L3MBTL2: variants seen among roughly 807,000 people sequenced by gnomAD.
L3MBTL2 encodes the protein L3MBTL histone methyl-lysine binding protein 2.
In L3MBTL2, 49 loss-of-function variants were observed where a neutral mutation model predicts 86.4. That is an observed-to-expected ratio of 0.57 (90% confidence interval 0.45 to 0.72). The LOEUF (loss-of-function observed/expected upper bound fraction) is 0.72. Among genes scored for constraint, L3MBTL2 ranks in the 30% least tolerant of loss-of-function variants. L3MBTL2 has a pLI of 0.00. For missense variants in L3MBTL2, 755 were observed against 923.7 expected (o/e 0.82, Z 2.37); for synonymous variants, 336 against 350.6 (o/e 0.96, Z 0.47).
chr22:41,205,385 A>C lies in L3MBTL2; in HGVS notation c.23A>C (p.Glu8Ala). 6.2e-7 allele frequency: 1 copy of C among 1,614,114 alleles called. No individual in the cohort carries two copies. Residue 8 changes from glutamate (E) to alanine (A), a missense_variant and splice_region_variant, in exon 1 of 17, where the codon GAG becomes GCG. By Grantham distance (107) the Glu-to-Ala change is moderately radical. This residue lies in a region of L3MBTL2 where 103 missense variants were observed against 105.2 expected (regional missense o/e 0.98). Transcript: ENST00000216237. MEKPRSIEETPSSEPMEE... is the reference protein window; with the variant it reads MEKPRSIAETPSSEPMEE... ...CTCATGGAGAAGCCCCGGAGTATTG[A>C]GGTGAGAAGGCGAGGACTTAGCGTG...
At chr22:41,210,234 C>A (rs930884889) in intron 2 of L3MBTL2, among the ~76,000 whole-genome samples, 2 of 148,818 alleles carry the variant, frequency 1.3e-5, no homozygotes, top group African/African-American at 5.0e-5. Context: ...ACTGCAACTT[C>A]CACCTCCTGA....
Position 41,227,410 on chromosome 22 carries a change from C to A in L3MBTL2, c.1822+87C>A, listed in dbSNP as rs2032263564. The A allele has an allele frequency of 2.2e-6, 3 of 1,358,956 alleles. No homozygotes were observed. The highest frequency in any genetic ancestry group is 2.5e-5 in the South Asian group (2 of 79,120). The allele number at this position is 1,358,956 out of a possible 1,614,324, so 84.2% of individuals were successfully genotyped here. ...CCCCGCCCCTGTGCCCATCTCCGTT[C>A]TTTGGCATGAGGTGGAGATGTCTCA... On this transcript the variant is annotated intron_variant, in intron 14 of 16. Transcript: ENST00000216237. The surrounding 1 kb of genome is among the most constrained non-coding windows in gnomAD (Gnocchi z 6.0).
At chr22:41,218,121 A>G (rs1257513280) in intron 5 of L3MBTL2, 1 of 152,252 alleles carries the variant, frequency 6.6e-6, no homozygotes, top group Non-Finnish European at 1.5e-5. Flanking sequence ...TGCCTGGGCT[A>G]GCGCAACTGT....
intron 16 of L3MBTL2, 56 bp from the exon 17 acceptor site, chr22:41,230,083 C>T: frequency 1.3e-6 from 1 of 792,354 alleles, no homozygotes; most frequent in Non-Finnish European, 2.0e-6. Context: ...TCCTCCGCCC[C>T]CACCCCTCCC....
In L3MBTL2 at chr22:41,230,851, A is replaced by G. The variant is rs912030636; in HGVS notation, c.*600A>G. The G allele has an allele frequency of 2.6e-5, 4 of 152,302 alleles. No homozygotes were observed. Among genetic ancestry groups the G allele is most frequent in the African/African-American group, 9.7e-5 (4 of 41,408 alleles). The allele number at this position is 152,302 out of a possible 1,614,324, so 9.4% of individuals were successfully genotyped here. On this transcript the variant is annotated 3_prime_UTR_variant, in exon 17 of 17. Transcript: ENST00000216237. The stretch of plus-strand genomic sequence containing the variant: ...CAGCTTGTCTCGGCAGCTAAGAAGC[A>G]GTGACCAGGATGTGGATTTTGGCGA...
intron 1 of L3MBTL2, among the ~76,000 whole-genome samples, chr22:41,206,626 A>G (rs1410433329): frequency 6.6e-6 from 1 of 151,926 alleles, no homozygotes. Context: ...GTGAAACCCC[A>G]TCTCTACTAA....
At chr22:41,228,102 A>G (rs1012079200) in intron 15 of L3MBTL2, 7 of 985,418 alleles carry the variant, frequency 7.1e-6, no homozygotes, top group Admixed American at 1.2e-4. Context: ...GTCTCTGGCC[A>G]TGGTCAGGGT....
chr22:41,230,089 C>T (rs779041950), intron 16 of L3MBTL2, 50 bp from the exon 17 acceptor site: 2 of 873,182 alleles, frequency 2.3e-6, no homozygotes, highest in East Asian at 5.2e-5. Context: ...GCCCCCACCC[C>T]TCCCAGAGTT....
intron 6 of L3MBTL2, 137 bp downstream of exon 6, chr22:41,219,673 G>A: frequency 3.2e-6 from 2 of 628,934 alleles, no homozygotes; most frequent in South Asian, 3.6e-5. Context: ...CACTTCTAAG[G>A]ATTCTTTTAC....
At chr22:41,221,389 G>A (rs1437772666) in intron 8 of L3MBTL2, 102 bp downstream of exon 8, 2 of 965,630 alleles carry the variant, frequency 2.1e-6, no homozygotes, top group Non-Finnish European at 3.2e-6. Context: ...CCCCTTGCCT[G>A]ATGATCTTCA....
Position 41,205,326 on chromosome 22 carries a change from T to C in L3MBTL2, c.-37T>C. On this transcript the variant is annotated 5_prime_UTR_variant, in exon 1 of 17. Coordinates refer to ENST00000216237, the MANE Select transcript of L3MBTL2 (RefSeq NM_031488.5). ...AGCGACGGGGCAGGCCAATATGGCT[T>C]CCTGCACCTGGTGACGCTTGGCGAA... 6.2e-7 allele frequency: 1 copy of C among 1,613,880 alleles called. No homozygotes were observed. The highest frequency in any genetic ancestry group is 8.5e-7 in the Non-Finnish European group (1 of 1,179,790).
At chr22:41,229,689 C>CA (rs1011565218) in intron 16 of L3MBTL2, 33 bp downstream of exon 16, 1 of 1,612,868 alleles carries the variant, frequency 6.2e-7, no homozygotes, top group African/African-American at 1.3e-5. Flanking sequence ...AAGGCAGGAC[C>CA]AGCCTGCTCC....
chr22:41,229,073 C>T (rs2145620196), intron 15 of L3MBTL2, among the ~76,000 whole-genome samples: 1 of 152,142 alleles, frequency 6.6e-6, no homozygotes, highest in South Asian at 2.1e-4. Flanking sequence ...GCCTGGGCAA[C>T]ATAGCGAGAC....
rs769831418 is a variant in L3MBTL2, at chr22:41,220,865, C to A, written c.850C>A (p.Arg284=). ...AINSKILVPP[R]TIHAKFTDWK... is the part of the protein sequence containing the mutation. ...CAACAGCAAGATCCTAGTGCCCCCA[C>A]GGAGTGAGTTGATGAGAACATTTCC... is the stretch of plus-strand genomic sequence containing the variant. The change falls in exon 7 of 17, where the codon CGG becomes AGG. Residue 284 remains arginine (R), a synonymous_variant. Coordinates refer to ENST00000216237, the MANE Select transcript of L3MBTL2 (RefSeq NM_031488.5). 1.2e-6 allele frequency: 2 copies of A among 1,612,746 alleles called. No individual in the cohort carries two copies. The highest frequency in any genetic ancestry group is 3.3e-5 in the Admixed American group (2 of 59,976).
intron 3 of L3MBTL2, 63 bp from the exon 4 acceptor site, chr22:41,216,076 G>A: frequency 4.5e-6 from 7 of 1,538,686 alleles, no homozygotes; most frequent in South Asian, 2.4e-5. Flanking sequence ...CAACTTGGCG[G>A]CCCAAATCCA....
chr22:41,226,616 C>A, intron 12 of L3MBTL2, 46 bp from the exon 13 acceptor site: 1 of 1,384,322 alleles, frequency 7.2e-7, no homozygotes, highest in South Asian at 1.2e-5. Flanking sequence ...CTGCCCACTT[C>A]CTGCTTCCCC....
chr22:41,207,236 C>CTTTTTTTT (rs753351369), intron 1 of L3MBTL2, among the ~76,000 whole-genome samples: 4 of 120,508 alleles, frequency 3.3e-5, no homozygotes, highest in Non-Finnish European at 6.8e-5. Context: ...CCCCCAAATC[C>CTTTTTTTT]TTTTTTTTTT....
intron 1 of L3MBTL2, chr22:41,208,191 G>A (rs1248772009): frequency 6.8e-6 from 2 of 295,360 alleles, no homozygotes; most frequent in South Asian, 2.5e-5. Flanking sequence ...GATTGCAGTG[G>A]CATGGTTATG....
rs534699387 is a variant in L3MBTL2 at position 41,227,406 on chromosome 22, C to T, written c.1822+83C>T. ...CTTCCCCCGCCCCTGTGCCCATCTC[C>T]GTTCTTTGGCATGAGGTGGAGATGT... On this transcript the variant is annotated intron_variant, in intron 14 of 16. Coordinates refer to ENST00000216237, the MANE Select transcript of L3MBTL2 (RefSeq NM_031488.5). The surrounding 1 kb of genome is among the most constrained non-coding windows in gnomAD (Gnocchi z 6.0). The T allele has an allele frequency of 3.6e-5, 50 of 1,373,746 alleles. No homozygotes were observed. Among genetic ancestry groups the T allele is most frequent in the South Asian group, 1.6e-4 (13 of 79,588 alleles). 85.1% of individuals were successfully genotyped at this position (1,373,746 alleles called of 1,614,324 possible).
Sources: allele counts gnomAD v4.1 joint callset (sites outside exome capture counted in the v4.1 genomes callset), GRCh38; gene constraint gnomAD v4.1.1; regional missense constraint gnomAD v4.1.1; non-coding constraint Gnocchi (gnomAD v3.1); transcripts MANE v1.5; gene names NCBI Gene and HGNC (gene_info 2026-07-23, HGNC 2026-07-21).